DLGAP1: variants seen among roughly 807,000 people sequenced by gnomAD.
DLGAP1 encodes the protein disks large-associated protein 1.
DLGAP1 carries 11 observed loss-of-function variants against 90.8 expected under a neutral mutation model. The ratio of observed to expected loss-of-function variants is 0.12; its 90% CI spans 0.08 to 0.20. The LOEUF (loss-of-function observed/expected upper bound fraction) is 0.20. Ranked by LOEUF, DLGAP1 falls within the 10% of genes least tolerant of loss-of-function variation. The pLI, the probability that DLGAP1 is intolerant of heterozygous loss-of-function variation, is 1.00. For missense variants in DLGAP1, 1,050 were observed against 1,333.8 expected, an observed-to-expected ratio of 0.79 and a Z score of 3.31; for synonymous variants, 558 against 540.7, an observed-to-expected ratio of 1.03 and a Z score of -0.44.
chr18:4,099,308 T>TATC (rs1200541850), intron 2 of DLGAP1, among the ~76,000 whole-genome samples: 1 of 107,778 alleles, frequency 9.3e-6, no homozygotes, highest in East Asian at 2.4e-4. Context: ...TCTATCTATC[T>TATC]ATCTATCTAT....
intron 5 of DLGAP1, among the ~76,000 whole-genome samples, chr18:3,782,367 C>A (rs1286643194): frequency 6.6e-6 from 1 of 152,194 alleles, no homozygotes; most frequent in East Asian, 1.9e-4. Flanking sequence ...GAACTCCTGA[C>A]CTCAAGTGAT....
At chr18:3,864,541 G>T (rs2070274179) in intron 4 of DLGAP1, among the ~76,000 whole-genome samples, 1 of 152,182 alleles carries the variant, frequency 6.6e-6, no homozygotes, top group Non-Finnish European at 1.5e-5. Context: ...GCAAGAGTTT[G>T]CTATAGAACA....
intron 7 of DLGAP1, among the ~76,000 whole-genome samples, chr18:3,594,825 A>T (rs123613): frequency 1.3e-5 from 2 of 152,188 alleles, no homozygotes; most frequent in Non-Finnish European, 2.9e-5. Context: ...GGATTCCTGC[A>T]GGGTGGGACT....
At chr18:4,402,408 TATA>T (rs1211185213) in intron 1 of DLGAP1, among the ~76,000 whole-genome samples, 5 of 152,222 alleles carry the variant, frequency 3.3e-5, no homozygotes, top group African/African-American at 4.8e-5. Flanking sequence ...GGAACTAAAA[TATA>T]ATAATCTCAC....
At chr18:4,155,034 G>A (rs564768358) in intron 1 of DLGAP1, among the ~76,000 whole-genome samples, 1 of 152,304 alleles carries the variant, frequency 6.6e-6, no homozygotes, top group South Asian at 2.1e-4. Context: ...GGTATCAGAA[G>A]TGCATAGGTA....
intron 2 of DLGAP1, among the ~76,000 whole-genome samples, chr18:4,124,388 C>A (rs138130450): frequency 7.0e-4 from 106 of 152,326 alleles, no homozygotes; most frequent in African/African-American, 2.5e-3. Context: ...GTCATTATAT[C>A]TCTCACCAAC....
At chr18:3,709,104 AGTCC>A (rs2061526209) in intron 7 of DLGAP1, among the ~76,000 whole-genome samples, 1 of 152,224 alleles carries the variant, frequency 6.6e-6, no homozygotes. Context: ...GAAAAAACAT[AGTCC>A]TTCCTTCAAA....
At chr18:3,515,576 C>T (rs1404859952) in intron 10 of DLGAP1, among the ~76,000 whole-genome samples, 1 of 151,680 alleles carries the variant, frequency 6.6e-6, no homozygotes, top group Non-Finnish European at 1.5e-5. Context: ...CCCAGGAGTT[C>T]GAGACCAGCC....
At chr18:3,907,488 A>C (rs2071936006) in intron 3 of DLGAP1, among the ~76,000 whole-genome samples, 1 of 152,214 alleles carries the variant, frequency 6.6e-6, no homozygotes, top group Non-Finnish European at 1.5e-5. Flanking sequence ...CTAAATTCCA[A>C]GCTGGGGAAG....
intron 7 of DLGAP1, among the ~76,000 whole-genome samples, chr18:3,680,941 G>A (rs187841196): frequency 1.0e-3 from 155 of 152,260 alleles, no homozygotes; most frequent in Non-Finnish European, 1.7e-3. Flanking sequence ...CACAAGCCTC[G>A]TGAAAGATGA....
intron 1 of DLGAP1, among the ~76,000 whole-genome samples, chr18:4,432,134 T>G (rs570125201): frequency 8.1e-4 from 124 of 152,320 alleles, no homozygotes; most frequent in African/African-American, 2.7e-3. Context: ...TAGAAAACAC[T>G]TAAAGGGCAA....
At chr18:3,580,377 G>A (rs2055419666) in intron 8 of DLGAP1, 1 of 1,613,816 alleles carries the variant, frequency 6.2e-7, no homozygotes, top group Non-Finnish European at 8.5e-7. Context: ...GAATTTCAGA[G>A]CCACATACCT....
In DLGAP1 at chr18:3,898,002, G is replaced by T. The variant is rs1041149230; in HGVS notation, c.-72-17862C>A. Among the ~76,000 whole-genome samples, 6 of 152,014 alleles carry T rather than the reference G, an allele frequency of 3.9e-5. No individual in the cohort carries two copies. In the East Asian group the frequency reaches 9.7e-4, roughly 24 times the overall value. ...GTAGAGACGGGGTTTCACCTTGTTAGCCAGGATGGTCTCGATCTCCTGACC... is the reference window on the plus strand; with the variant it reads ...GTAGAGACGGGGTTTCACCTTGTTATCCAGGATGGTCTCGATCTCCTGACC... On this transcript the variant is annotated intron_variant, in intron 3 of 12. Coordinates refer to ENST00000315677, the MANE Select transcript of DLGAP1 (RefSeq NM_004746.4).
intron 1 of DLGAP1, among the ~76,000 whole-genome samples, chr18:4,317,233 C>A (rs2080553764): frequency 6.6e-6 from 1 of 152,172 alleles, no homozygotes; most frequent in African/African-American, 2.4e-5. Flanking sequence ...TGTTGGGACA[C>A]CTATTCATGT....
chr18:3,920,533 C>G (rs987202177), intron 3 of DLGAP1, among the ~76,000 whole-genome samples: 1 of 152,074 alleles, frequency 6.6e-6, no homozygotes, highest in Non-Finnish European at 1.5e-5. Context: ...AGAGTATATT[C>G]AGTACGTCTA....
intron 1 of DLGAP1, among the ~76,000 whole-genome samples, chr18:4,325,982 C>T (rs1421776413): frequency 1.3e-5 from 2 of 151,992 alleles, no homozygotes; most frequent in Non-Finnish European, 2.9e-5. Context: ...ATGACAAAAG[C>T]AATTGCAACA....
intron 7 of DLGAP1, among the ~76,000 whole-genome samples, chr18:3,614,471 A>ACACT (rs1466471825): frequency 6.6e-6 from 1 of 152,058 alleles, no homozygotes; most frequent in African/African-American, 2.4e-5. Flanking sequence ...CATCCCCAAA[A>ACACT]CACTCATAAT....
At chr18:3,555,806 G>A (rs112170781) in intron 9 of DLGAP1, among the ~76,000 whole-genome samples, 12,924 of 151,918 alleles carry the variant, frequency 0.085, 699 homozygotes, top group Middle Eastern at 0.16. Context: ...GCGAAACTCC[G>A]TCTCAAAAAA....
At chr18:4,215,146 T>C (rs2077926306) in intron 1 of DLGAP1, among the ~76,000 whole-genome samples, 1 of 152,190 alleles carries the variant, frequency 6.6e-6, no homozygotes, top group Admixed American at 6.6e-5. Flanking sequence ...ATATCTTATA[T>C]ACCATAGAGC....
Sources: allele counts gnomAD v4.1 joint callset (sites outside exome capture counted in the v4.1 genomes callset), GRCh38; gene constraint gnomAD v4.1.1; transcripts MANE v1.5; gene names NCBI Gene and HGNC (gene_info 2026-07-23, HGNC 2026-07-21).